NEDD9: variants seen among roughly 807,000 people sequenced by gnomAD.
NEDD9 encodes the protein enhancer of filamentation 1.
A neutral mutation model predicts 76.6 loss-of-function variants in NEDD9; 26 were observed. That is an observed-to-expected ratio of 0.34 (90% confidence interval 0.25 to 0.47). The LOEUF (loss-of-function observed/expected upper bound fraction) is 0.47. NEDD9 is among the 20% of genes least tolerant of loss of function. NEDD9 has a pLI of 1.00. For missense variants in NEDD9, 937 were observed against 1,058.5 expected (o/e 0.89, Z 1.59); for synonymous variants, 392 against 414.2 (o/e 0.95, Z 0.65).
At chr6:11,293,197 T>G (rs1303763853) in intron 3 of NEDD9, among the ~76,000 whole-genome samples, 1 of 73,710 alleles carries the variant, frequency 1.4e-5, no homozygotes, top group Non-Finnish European at 3.0e-5. Flanking sequence ...TAAGTCTATG[T>G]TTTTTTTTTT....
chr6:11,206,887 A>G (rs1334626504), intron 2 of NEDD9, among the ~76,000 whole-genome samples: 1 of 152,250 alleles, frequency 6.6e-6, no homozygotes, highest in East Asian at 1.9e-4. Flanking sequence ...GTGTAATATT[A>G]AAATGTATCT....
intron 3 of NEDD9, among the ~76,000 whole-genome samples, chr6:11,250,926 G>A (rs1759902894): frequency 6.6e-6 from 1 of 152,178 alleles, no homozygotes; most frequent in Non-Finnish European, 1.5e-5. Flanking sequence ...TGAACTTTGA[G>A]CCAATGTTCC....
At chr6:11,249,773 C>A (rs1759879836) in intron 3 of NEDD9, among the ~76,000 whole-genome samples, 1 of 152,184 alleles carries the variant, frequency 6.6e-6, no homozygotes, top group Non-Finnish European at 1.5e-5. Flanking sequence ...GACCTCTGCT[C>A]ATGGTAGGTA....
chr6:11,293,486 G>A (rs933369103), intron 3 of NEDD9, among the ~76,000 whole-genome samples: 1 of 152,132 alleles, frequency 6.6e-6, no homozygotes. Context: ...CAGCTTTATC[G>A]AAGCATATTT....
chr6:11,230,918 G>A (rs1367700651), intron 1 of NEDD9, among the ~76,000 whole-genome samples: 3 of 152,152 alleles, frequency 2.0e-5, no homozygotes, highest in East Asian at 3.8e-4. Flanking sequence ...AGACTTTGTC[G>A]CTTTCGTCAC....
At chr6:11,340,841 A>G (rs767757424) in intron 1 of NEDD9, among the ~76,000 whole-genome samples, 10 of 152,192 alleles carry the variant, frequency 6.6e-5, no homozygotes, top group Non-Finnish European at 1.0e-4. Flanking sequence ...AAACTTTCCA[A>G]TGACTTTTCA....
intron 1 of NEDD9, among the ~76,000 whole-genome samples, chr6:11,229,289 C>G (rs979223763): frequency 3.9e-5 from 6 of 152,212 alleles, no homozygotes; most frequent in Non-Finnish European, 1.5e-5. Flanking sequence ...AATGTAGGCA[C>G]GTAAGGGCTC....
At position 11,321,628 on chromosome 6, in the gene NEDD9, A is replaced by C. The variant is rs1159611316; in HGVS notation, c.-153+12873T>G. Among the ~76,000 whole-genome samples, 3 of 152,220 alleles carry C rather than the reference A, an allele frequency of 2.0e-5. No homozygotes were observed. In the East Asian group the frequency reaches 5.8e-4, roughly 29 times the overall value. On this transcript the variant is annotated intron_variant, in intron 2 of 3. Transcript: ENST00000397378. ...AGATCTGGAGTATGTGCTGAATTCTACTGGGAACTGAGCCCTCTGAATATT... is the reference window on the plus strand; with the variant it reads ...AGATCTGGAGTATGTGCTGAATTCTCCTGGGAACTGAGCCCTCTGAATATT...
chr6:11,328,059 G>A (rs1761965160), intron 2 of NEDD9, among the ~76,000 whole-genome samples: 1 of 152,220 alleles, frequency 6.6e-6, no homozygotes, highest in Admixed American at 6.5e-5. Flanking sequence ...AATAAATAAA[G>A]AACAGGCCTG....
At chr6:11,377,510 T>C (rs1561852362) in intron 1 of NEDD9, among the ~76,000 whole-genome samples, 1 of 152,380 alleles carries the variant, frequency 6.6e-6, no homozygotes, top group East Asian at 1.9e-4. Context: ...TTCAGATTTG[T>C]GTGGGGCCCC....
intron 1 of NEDD9, among the ~76,000 whole-genome samples, chr6:11,377,031 T>C (rs1561852218): frequency 6.6e-6 from 1 of 152,322 alleles, no homozygotes; most frequent in East Asian, 1.9e-4. Context: ...TGGGGTTAAG[T>C]CTGCAGATGC....
chr6:11,317,880 C>T (rs1270620429), intron 2 of NEDD9, among the ~76,000 whole-genome samples: 1 of 152,130 alleles, frequency 6.6e-6, no homozygotes, highest in African/African-American at 2.4e-5. Flanking sequence ...ATGAGATTAA[C>T]GTGTAAATCA....
At chr6:11,329,228 C>T (rs559059156) in intron 2 of NEDD9, among the ~76,000 whole-genome samples, 6 of 152,222 alleles carry the variant, frequency 3.9e-5, no homozygotes, top group African/African-American at 1.4e-4. Flanking sequence ...GGAAGAGAGA[C>T]CCGGCTTGGG....
Position 11,213,324 on chromosome 6 carries a change from T to A in NEDD9, c.416A>T (p.Gln139Leu). 1 of 1,614,132 alleles carries A rather than the reference T, an allele frequency of 6.2e-7. No homozygotes were observed. The highest frequency in any genetic ancestry group is 8.5e-7 in the Non-Finnish European group (1 of 1,179,982). Residue 139 changes from glutamine to leucine, a missense_variant, in exon 2 of 7, where the codon CAG becomes CTG. By Grantham distance (113) the Gln-to-Leu change is moderately radical. Coordinates refer to ENST00000379446, the MANE Select transcript of NEDD9 (RefSeq NM_006403.4). The surrounding 1 kb of genome is among the most constrained non-coding windows in gnomAD (Gnocchi z 5.4). ...CCCACTGGTTCCCCCAATGCTTCTCTGCACTGATGGTGGCACCTGATATAC... is the reference window on the plus strand; with the variant it reads ...CCCACTGGTTCCCCCAATGCTTCTCAGCACTGATGGTGGCACCTGATATAC... Reference protein sequence around the residue: ...QEVYQVPPSVQRSIGGTSGPH... With the variant: ...QEVYQVPPSVLRSIGGTSGPH...
At chr6:11,358,012 G>T (rs1762610309) in intron 1 of NEDD9, among the ~76,000 whole-genome samples, 1 of 152,178 alleles carries the variant, frequency 6.6e-6, no homozygotes, top group Non-Finnish European at 1.5e-5. Flanking sequence ...CACTTTGGGA[G>T]GCCAAGGCGG....
At chr6:11,290,835 G>A (rs1453397976) in intron 3 of NEDD9, among the ~76,000 whole-genome samples, 1 of 152,148 alleles carries the variant, frequency 6.6e-6, no homozygotes, top group Non-Finnish European at 1.5e-5. Context: ...ACATCTCTCC[G>A]AGGCAGGCAC....
chr6:11,319,147 C>T (rs1000370230), intron 2 of NEDD9, among the ~76,000 whole-genome samples: 8 of 152,174 alleles, frequency 5.3e-5, no homozygotes, highest in Non-Finnish European at 1.0e-4. Flanking sequence ...GAAAAGATTC[C>T]CCTGGCTCTT....
chr6:11,233,288 A>C (rs377724944), upstream of NEDD9: 1 of 518,848 alleles, frequency 1.9e-6, no homozygotes, highest in African/African-American at 1.9e-5. Flanking sequence ...ATTCTCCCTT[A>C]GTGAAAAGGA....
chr6:11,353,948 A>G (rs1480237322), intron 1 of NEDD9, among the ~76,000 whole-genome samples: 1 of 152,202 alleles, frequency 6.6e-6, no homozygotes, highest in Non-Finnish European at 1.5e-5. Context: ...GCCATAATTC[A>G]ACGGTCTTGG....
Sources: gnomAD v4.1 joint callset for allele counts (sites outside exome capture counted in the v4.1 genomes callset) on GRCh38, gnomAD v4.1.1 for gene constraint, Gnocchi (gnomAD v3.1) non-coding constraint, MANE v1.5 for transcripts, NCBI Gene and HGNC (gene_info 2026-07-23, HGNC 2026-07-21) for gene names.